The following YAF2 variants were observed in gnomAD, a reference collection of about 807,000 sequenced individuals.
YAF2 encodes the protein YY1-associated factor 2.
A neutral mutation model predicts 20.1 loss-of-function variants in YAF2; 7 were observed. The observed-to-expected ratio is 0.35, with a 90% confidence interval of 0.20 to 0.65. The LOEUF is 0.65. Among genes scored for constraint, YAF2 ranks in the 30% least tolerant of loss-of-function variants. YAF2 has a pLI of 0.69. For missense variants in YAF2, 151 were observed against 219.2 expected, an observed-to-expected ratio of 0.69 and a Z score of 1.96; for synonymous variants, 74 against 76.0, an observed-to-expected ratio of 0.97 and a Z score of 0.14.
At chr12:42,184,591 T>A (rs2066424667) in intron 2 of YAF2, among the ~76,000 whole-genome samples, 1 of 152,208 alleles carries the variant, frequency 6.6e-6, no homozygotes, top group African/African-American at 2.4e-5. Flanking sequence ...ATTACAGGCA[T>A]GAACCACCAC....
intron 2 of YAF2, among the ~76,000 whole-genome samples, chr12:42,228,099 A>G (rs2067810471): frequency 1.4e-5 from 1 of 71,168 alleles, no homozygotes; most frequent in Non-Finnish European, 2.7e-5. Context: ...CCTACTGGGA[A>G]GTGAGGAGCC....
chr12:42,169,095 G>A (rs2065981127), intron 2 of YAF2, among the ~76,000 whole-genome samples: 1 of 152,042 alleles, frequency 6.6e-6, no homozygotes, highest in Non-Finnish European at 1.5e-5. Context: ...TCTCAGTTGT[G>A]TCCTTGTCTT....
At chr12:42,166,316 T>C (rs895954166) in intron 2 of YAF2, among the ~76,000 whole-genome samples, 8 of 152,356 alleles carry the variant, frequency 5.3e-5, no homozygotes, top group Non-Finnish European at 8.8e-5. Flanking sequence ...ACTCATAATT[T>C]CTTGAAGAGA....
rs527976137 is a variant in YAF2, at chr12:42,199,219, C to A, written c.153-37454G>T. 3.3e-5 allele frequency: 43 copies of A among 1,289,058 alleles called. No homozygotes were observed. In the African/African-American group the frequency reaches 6.5e-4, roughly 20 times the overall value. 79.9% of individuals were successfully genotyped at this position (1,289,058 alleles called of 1,614,324 possible). ...ATTGTTCCACCAAATGGTAACCAGG[C>A]TCTCTTCCTGTTATCTCTGGCAAAA... On this transcript the variant is annotated intron_variant, in intron 2 of 3. Transcript: ENST00000534854.
chr12:42,185,509 T>C (rs1565614151), intron 2 of YAF2, among the ~76,000 whole-genome samples: 1 of 152,216 alleles, frequency 6.6e-6, no homozygotes, highest in Non-Finnish European at 1.5e-5. Flanking sequence ...AGATGAATCT[T>C]TCATGAAAGG....
chr12:42,181,473 G>C lies in YAF2; in HGVS notation c.153-19708C>G, dbSNP rs569927696. On this transcript the variant is annotated intron_variant, in intron 2 of 3. Transcript: ENST00000534854. Reference sequence around the variant, plus strand: ...CTTCTTGCGTAATGATCAGATCTGTGGCTCTTTGAATAACTGCTCCGGGAA... The same window carrying C: ...CTTCTTGCGTAATGATCAGATCTGTCGCTCTTTGAATAACTGCTCCGGGAA... Among the ~76,000 whole-genome samples, 89 of 152,206 alleles carry C rather than the reference G, an allele frequency of 5.8e-4. 1 individual carries two copies. Among genetic ancestry groups the C allele is most frequent in the African/African-American group, 2.0e-3 (84 of 41,508 alleles).
At chr12:42,205,624 C>A (rs981572151) in intron 2 of YAF2, among the ~76,000 whole-genome samples, 1 of 152,166 alleles carries the variant, frequency 6.6e-6, no homozygotes, top group Non-Finnish European at 1.5e-5. Context: ...CCACCCGCCT[C>A]GGCCTCCCAA....
intron 2 of YAF2, among the ~76,000 whole-genome samples, chr12:42,209,617 C>T (rs1309669092): frequency 6.7e-6 from 1 of 150,016 alleles, no homozygotes; most frequent in Non-Finnish European, 1.5e-5. Context: ...TAAAACTATC[C>T]TTGCTGGTCA....
At chr12:42,206,536 G>C (rs762768516) in intron 2 of YAF2, among the ~76,000 whole-genome samples, 51 of 152,032 alleles carry the variant, frequency 3.4e-4, no homozygotes, top group Non-Finnish European at 4.9e-4. Context: ...TTGAACCCAG[G>C]GGGTGGAGGT....
At chr12:42,206,934 TTCAAAA>T (rs2067061714) in intron 2 of YAF2, among the ~76,000 whole-genome samples, 1 of 152,162 alleles carries the variant, frequency 6.6e-6, no homozygotes, top group Non-Finnish European at 1.5e-5. Flanking sequence ...TCTACCCAGA[TTCAAAA>T]TTGTTAACAT....
Position 42,157,146 on chromosome 12 carries a change from G to A in YAF2, c.*3443C>T, listed in dbSNP as rs2065724075. On this transcript the variant is annotated 3_prime_UTR_variant, in exon 4 of 4. Coordinates refer to ENST00000534854, the MANE Select transcript of YAF2 (RefSeq NM_005748.6). Reference sequence around the variant, plus strand: ...TTTATTTTGGCTTATGAGTCCAAAGGCTGAGGAGTCCAAGATCAGGGAGCC... The same window carrying A: ...TTTATTTTGGCTTATGAGTCCAAAGACTGAGGAGTCCAAGATCAGGGAGCC... 6.6e-6 allele frequency: 1 copy of A among 152,130 alleles called. No homozygotes were observed. The highest frequency in any genetic ancestry group is 1.5e-5 in the Non-Finnish European group (1 of 68,038). 9.4% of individuals were successfully genotyped at this position (152,130 alleles called of 1,614,324 possible).
At chr12:42,196,077 C>T (rs1160739652) in intron 2 of YAF2, among the ~76,000 whole-genome samples, 1 of 151,782 alleles carries the variant, frequency 6.6e-6, no homozygotes, top group Non-Finnish European at 1.5e-5. Context: ...CAAAAATTAG[C>T]AGGGTGTGGT....
At chr12:42,187,775 C>G (rs1392380867) in intron 2 of YAF2, among the ~76,000 whole-genome samples, 2 of 152,076 alleles carry the variant, frequency 1.3e-5, no homozygotes, top group Non-Finnish European at 2.9e-5. Flanking sequence ...TGCATTCATG[C>G]CTTTGGCCTT....
At chr12:42,234,638 T>A in intron 2 of YAF2, 2 of 984,706 alleles carry the variant, frequency 2.0e-6, no homozygotes, top group Non-Finnish European at 2.4e-6. Context: ...TGGGCTTCTG[T>A]TGCATAAAGA....
intron 1 of YAF2, 127 bp downstream of exon 1, chr12:42,238,028 G>T (rs2068238677): frequency 4.3e-6 from 3 of 701,756 alleles, no homozygotes; most frequent in Non-Finnish European, 5.7e-6. Context: ...GGCAGCACTC[G>T]CACACCAGCG....
chr12:42,204,652 C>T (rs1335593784), intron 2 of YAF2, among the ~76,000 whole-genome samples: 1 of 151,930 alleles, frequency 6.6e-6, no homozygotes, highest in Non-Finnish European at 1.5e-5. Flanking sequence ...TCAAAAAGTG[C>T]AAAACAATAC....
chr12:42,165,484 G>C (rs895085269), intron 2 of YAF2, among the ~76,000 whole-genome samples: 2 of 151,180 alleles, frequency 1.3e-5, no homozygotes, highest in Non-Finnish European at 2.9e-5. Flanking sequence ...TTTGTTTTGA[G>C]ATTGAGCCTA....
intron 2 of YAF2, among the ~76,000 whole-genome samples, chr12:42,201,730 C>A (rs559624961): frequency 6.6e-6 from 1 of 152,204 alleles, no homozygotes; most frequent in South Asian, 2.1e-4. Context: ...TGCCACCACG[C>A]CTGGCTAATT....
At chr12:42,163,265 C>A (rs980284199) in intron 2 of YAF2, among the ~76,000 whole-genome samples, 1 of 151,866 alleles carries the variant, frequency 6.6e-6, no homozygotes, top group Non-Finnish European at 1.5e-5. Flanking sequence ...TGAAAAAAAA[C>A]CAAGCTGGAC....
Sources: allele counts gnomAD v4.1 joint callset (sites outside exome capture counted in the v4.1 genomes callset), GRCh38; gene constraint gnomAD v4.1.1; transcripts MANE v1.5; gene names NCBI Gene and HGNC (gene_info 2026-07-23, HGNC 2026-07-21).